Variants in FGFR2 observed in about 807,000 individuals in gnomAD.
FGFR2 encodes fibroblast growth factor receptor 2, also known as BEK fibroblast growth factor receptor.
A neutral mutation model predicts 95.9 loss-of-function variants in FGFR2; 19 were observed. That is an observed-to-expected ratio of 0.20 (90% CI 0.14 to 0.29). The LOEUF (loss-of-function observed/expected upper bound fraction) is 0.29. Ranked by LOEUF, FGFR2 falls within the 10% of genes least tolerant of loss-of-function variation. FGFR2 has a pLI of 1.00. For missense variants in FGFR2, 707 were observed against 1,056.9 expected, an observed-to-expected ratio of 0.67 and a Z score of 4.59; for synonymous variants, 392 against 393.3, an observed-to-expected ratio of 1.00 and a Z score of 0.04.
chr10:121,566,070 GA>G (rs1484689765), intron 2 of FGFR2, among the ~76,000 whole-genome samples: 1 of 152,204 alleles, frequency 6.6e-6, no homozygotes, highest in Non-Finnish European at 1.5e-5. Context: ...TTATTTGTAA[GA>G]ATGCCGAGTT....
At chr10:121,534,284 A>G (rs1852506844) in intron 6 of FGFR2, among the ~76,000 whole-genome samples, 1 of 151,854 alleles carries the variant, frequency 6.6e-6, no homozygotes, top group Non-Finnish European at 1.5e-5. Context: ...TTTTTGGTAG[A>G]GACGGGGTTT....
intron 2 of FGFR2, among the ~76,000 whole-genome samples, chr10:121,574,929 C>A (rs553150812): frequency 6.6e-6 from 1 of 152,328 alleles, no homozygotes; most frequent in South Asian, 2.1e-4. Context: ...CTCTTTCTAA[C>A]CAGTTGTCAG....
chr10:121,580,809 T>A (rs148769453), intron 2 of FGFR2, among the ~76,000 whole-genome samples: 2 of 152,338 alleles, frequency 1.3e-5, no homozygotes, highest in African/African-American at 4.8e-5. Context: ...CATATTTGCA[T>A]AGAGGTAAAA....
intron 14 of FGFR2, among the ~76,000 whole-genome samples, chr10:121,487,631 T>C (rs1365222101): frequency 1.3e-5 from 2 of 152,226 alleles, no homozygotes; most frequent in Admixed American, 1.3e-4. Flanking sequence ...TCTCCTTGGA[T>C]TCTATCCTTT....
At position 121,518,796 on chromosome 10, in the gene FGFR2, G is replaced by A. The variant is rs1129320; in HGVS notation, c.939+1183C>T. On this transcript the variant is annotated intron_variant, in intron 7 of 17. Transcript: ENST00000358487. The surrounding 1 kb of genome is among the most constrained non-coding windows in gnomAD (Gnocchi z 4.0). ...GCCTCGGTCACATTGAACAGAGCCA[G>A]CACTTCTGCATTGGAACTATTTATC... The A allele has an allele frequency of 1.2e-6, 2 of 1,614,150 alleles. No homozygotes were observed. The highest frequency in any genetic ancestry group is 1.7e-6 in the Non-Finnish European group (2 of 1,180,012).
chr10:121,523,315 C>T (rs1218717852), intron 6 of FGFR2, among the ~76,000 whole-genome samples: 1 of 152,142 alleles, frequency 6.6e-6, no homozygotes, highest in Non-Finnish European at 1.5e-5. Context: ...CAGGTGAAAC[C>T]CTTGCTCTCT....
intron 6 of FGFR2, among the ~76,000 whole-genome samples, chr10:121,523,291 G>T (rs1850823012): frequency 6.6e-6 from 1 of 152,128 alleles, no homozygotes; most frequent in Admixed American, 6.6e-5. Flanking sequence ...TCAAAGCTGG[G>T]CCCCTTCAGA....
rs185927867 is a variant in FGFR2, at chr10:121,513,444, A to G, written c.1287+1673T>C. Among the ~76,000 whole-genome samples, 286 of 152,324 alleles carry G rather than the reference A, an allele frequency of 1.9e-3. 2 individuals carry two copies. Among genetic ancestry groups the G allele is most frequent in the African/African-American group, 6.4e-3 (266 of 41,574 alleles). On this transcript the variant is annotated intron_variant, in intron 9 of 17. Coordinates refer to ENST00000358487, the MANE Select transcript of FGFR2 (RefSeq NM_000141.5). ...GATTTTAAGGGCATCTTACCCTTCT[A>G]TATTAAGTAAAAAGAAAAGCATTTT...
chr10:121,518,575 C>A lies in FGFR2; in HGVS notation c.940-1112G>T. On this transcript the variant is annotated intron_variant, in intron 7 of 17. Coordinates refer to ENST00000358487, the MANE Select transcript of FGFR2 (RefSeq NM_000141.5). The surrounding 1 kb of genome is among the most constrained non-coding windows in gnomAD (Gnocchi z 4.0). ...GATTATTATAAATATACCAAGGCCA[C>A]AAGAGTTATCCTATAAGCTGCCTGC... The A allele has an allele frequency of 7.9e-7, 1 of 1,273,036 alleles. No individual in the cohort carries two copies. The highest frequency in any genetic ancestry group is 1.1e-6 in the Non-Finnish European group (1 of 897,758). The allele number at this position is 1,273,036 out of a possible 1,614,324, so 78.9% of individuals were successfully genotyped here.
rs142755962 is a variant in FGFR2 at position 121,524,146 on chromosome 10, A to ACACACC, written c.749-3978_749-3977insGGTGTG. On this transcript the variant is annotated intron_variant, in intron 6 of 17. Coordinates refer to ENST00000358487, the MANE Select transcript of FGFR2 (RefSeq NM_000141.5). ...CACACACACACACACACACACACAC[A>ACACACC]CCCCAAGTTTGCAATGGTTTAATGT... is the stretch of plus-strand genomic sequence containing the variant. 2.3e-3 allele frequency among the ~76,000 whole-genome samples: 316 copies of ACACACC among 136,906 alleles called. 1 individual carries two copies. The highest frequency in any genetic ancestry group is 7.5e-3 in the Middle Eastern group (2 of 266). The allele number at this position is 136,906 out of a possible 152,430, so 89.8% of individuals were successfully genotyped here.
chr10:121,503,956 C>CACA lies in FGFR2; in HGVS notation c.1288-16_1288-15insTGT, dbSNP rs778424804. The CACA allele has an allele frequency of 5.0e-6, 8 of 1,613,724 alleles. No homozygotes were observed. The highest frequency in any genetic ancestry group is 1.3e-5 in the African/African-American group (1 of 74,900). ...TCAGCCGAAACCTGGATACAAAATG[C>CACA]AAAGACACAGATGTAATCCTGGCTC... is the stretch of plus-strand genomic sequence containing the variant. On this transcript the variant is annotated splice_polypyrimidine_tract_variant and intron_variant, in intron 9 of 17. Transcript: ENST00000358487.
At chr10:121,545,925 C>G (rs748293632) in intron 5 of FGFR2, among the ~76,000 whole-genome samples, 1 of 152,170 alleles carries the variant, frequency 6.6e-6, no homozygotes, top group South Asian at 2.1e-4. Flanking sequence ...ATACCCAACG[C>G]TGAGGGCTTC....
chr10:121,548,477 A>C (rs1483035920), intron 5 of FGFR2, among the ~76,000 whole-genome samples: 1 of 151,860 alleles, frequency 6.6e-6, no homozygotes, highest in Non-Finnish European at 1.5e-5. Context: ...GAAATGTTGG[A>C]ATCAATAATT....
chr10:121,538,466 A>G (rs1219015366), intron 6 of FGFR2, 126 bp downstream of exon 6: 2 of 1,343,326 alleles, frequency 1.5e-6, no homozygotes, highest in Non-Finnish European at 2.1e-6. Context: ...TGATAGTAGA[A>G]AGAATAAGAA....
intron 9 of FGFR2, 45 bp from the exon 10 acceptor site, chr10:121,503,986 T>G (rs1402205180): frequency 6.2e-7 from 1 of 1,610,554 alleles, no homozygotes; most frequent in Non-Finnish European, 8.5e-7. Context: ...TGGCTCCATC[T>G]GAGAAGGCTG....
chr10:121,540,364 T>C (rs1191805226), intron 5 of FGFR2, among the ~76,000 whole-genome samples: 2 of 152,182 alleles, frequency 1.3e-5, no homozygotes, highest in African/African-American at 4.8e-5. Context: ...GCCGTAGACT[T>C]GTAACAGGAC....
chr10:121,548,623 T>C (rs890303902), intron 5 of FGFR2, among the ~76,000 whole-genome samples: 2 of 152,188 alleles, frequency 1.3e-5, no homozygotes, highest in Non-Finnish European at 2.9e-5. Flanking sequence ...GTTCCATTTA[T>C]TTTGAGCCCA....
intron 4 of FGFR2, among the ~76,000 whole-genome samples, chr10:121,558,948 C>T (rs1260206898): frequency 6.6e-6 from 1 of 151,974 alleles, no homozygotes; most frequent in Non-Finnish European, 1.5e-5. Flanking sequence ...GTACTCTGTA[C>T]AGAATCTAAA....
At chr10:121,573,950 A>G (rs1859277126) in intron 2 of FGFR2, among the ~76,000 whole-genome samples, 1 of 152,126 alleles carries the variant, frequency 6.6e-6, no homozygotes, top group African/African-American at 2.4e-5. Flanking sequence ...CCGGCTGCAA[A>G]TGTCGCTACA....
Sources: gnomAD v4.1 joint callset for allele counts (sites outside exome capture counted in the v4.1 genomes callset) on GRCh38, gnomAD v4.1.1 for gene constraint, Gnocchi (gnomAD v3.1) non-coding constraint, MANE v1.5 for transcripts, NCBI Gene and HGNC (gene_info 2026-07-23, HGNC 2026-07-21) for gene names.